Variants in NRXN3 observed in about 807,000 individuals in gnomAD.
The protein encoded by NRXN3 is neurexin III.
NRXN3 carries 32 observed loss-of-function variants against 137.6 expected under a neutral mutation model. The ratio of observed to expected loss-of-function variants is 0.23; its 90% CI spans 0.18 to 0.31. The LOEUF is 0.31. Ranked by LOEUF, NRXN3 falls within the 10% of genes least tolerant of loss-of-function variation. The pLI, the probability that NRXN3 is intolerant of heterozygous loss-of-function variation, is 1.00. For missense variants in NRXN3, 1,574 were observed against 2,062.5 expected, an observed-to-expected ratio of 0.76 and a Z score of 4.59; for synonymous variants, 798 against 784.5, an observed-to-expected ratio of 1.02 and a Z score of -0.29.
At chr14:78,504,834 C>T (rs1183399079) in intron 4 of NRXN3, among the ~76,000 whole-genome samples, 2 of 152,018 alleles carry the variant, frequency 1.3e-5, no homozygotes, top group Non-Finnish European at 2.9e-5. Flanking sequence ...TAGCAATGGC[C>T]CCATTTTACA....
chr14:79,639,900 C>G (rs1430312476), intron 16 of NRXN3, among the ~76,000 whole-genome samples: 1 of 151,920 alleles, frequency 6.6e-6, no homozygotes, highest in Non-Finnish European at 1.5e-5. Flanking sequence ...CCATCAGCCC[C>G]AAGGAAAGAT....
intron 4 of NRXN3, among the ~76,000 whole-genome samples, chr14:78,566,175 A>C (rs1216313146): frequency 6.6e-6 from 1 of 152,050 alleles, no homozygotes; most frequent in Non-Finnish European, 1.5e-5. Flanking sequence ...GGCCAAAAAA[A>C]AGACTCTCTA....
At chr14:78,450,592 C>G (rs537086159) in intron 4 of NRXN3, among the ~76,000 whole-genome samples, 5 of 152,274 alleles carry the variant, frequency 3.3e-5, no homozygotes, top group African/African-American at 9.6e-5. Flanking sequence ...ACACACCAGC[C>G]TGGTAGGTTG....
intron 15 of NRXN3, among the ~76,000 whole-genome samples, chr14:79,452,646 CTT>C (rs1397894099): frequency 1.3e-5 from 2 of 152,116 alleles, no homozygotes; most frequent in African/African-American, 4.8e-5. Flanking sequence ...AAGTAAGAAA[CTT>C]TCTATTTTCT....
chr14:79,736,601 T>G (rs1219718260), intron 19 of NRXN3, among the ~76,000 whole-genome samples: 1 of 152,090 alleles, frequency 6.6e-6, no homozygotes, highest in Non-Finnish European at 1.5e-5. Context: ...TTCAAAGGAA[T>G]GAGAAAAAGA....
chr14:78,681,087 G>C (rs1336358049), intron 6 of NRXN3, among the ~76,000 whole-genome samples: 1 of 152,266 alleles, frequency 6.6e-6, no homozygotes, highest in African/African-American at 2.4e-5. Flanking sequence ...CTCCATTTGG[G>C]GGTTGAGTCC....
At chr14:78,321,584 G>C (rs1223718065) in intron 4 of NRXN3, among the ~76,000 whole-genome samples, 1 of 151,934 alleles carries the variant, frequency 6.6e-6, no homozygotes, top group Non-Finnish European at 1.5e-5. Context: ...GTTTATTCTT[G>C]CTAAAACATT....
At chr14:78,650,702 G>GA (rs1263773722) in intron 5 of NRXN3, among the ~76,000 whole-genome samples, 1 of 151,944 alleles carries the variant, frequency 6.6e-6, no homozygotes, top group Non-Finnish European at 1.5e-5. Flanking sequence ...GAAAAGAAAA[G>GA]AAAAAAGGAA....
chr14:79,251,090 G>T (rs2075859507), intron 15 of NRXN3, among the ~76,000 whole-genome samples: 1 of 152,164 alleles, frequency 6.6e-6, no homozygotes, highest in African/African-American at 2.4e-5. Context: ...GTTTGTAGAG[G>T]ATTTTGAATA....
intron 15 of NRXN3, among the ~76,000 whole-genome samples, chr14:79,075,972 A>C (rs1292457152): frequency 6.6e-6 from 1 of 152,216 alleles, no homozygotes; most frequent in African/African-American, 2.4e-5. Context: ...CTTGGTCTGC[A>C]GAGCCTTTTT....
intron 15 of NRXN3, among the ~76,000 whole-genome samples, chr14:79,190,793 C>T (rs2064190626): frequency 6.6e-6 from 1 of 152,106 alleles, no homozygotes; most frequent in Admixed American, 6.5e-5. Flanking sequence ...TTCTTCTCAT[C>T]TTATCCTTCT....
chr14:79,717,431 C>G (rs1567993563), intron 19 of NRXN3, among the ~76,000 whole-genome samples: 1 of 152,192 alleles, frequency 6.6e-6, no homozygotes, highest in Non-Finnish European at 1.5e-5. Flanking sequence ...CTCGATGTGT[C>G]TTTTGTTCTT....
At chr14:78,414,740 C>T (rs565384372) in intron 4 of NRXN3, among the ~76,000 whole-genome samples, 19 of 151,768 alleles carry the variant, frequency 1.3e-4, no homozygotes, top group Admixed American at 9.9e-4. Flanking sequence ...AAACAGTTTG[C>T]GTCAAAGTAG....
At chr14:79,155,933 A>G in intron 15 of NRXN3, among the ~76,000 whole-genome samples, 1 of 151,872 alleles carries the variant, frequency 6.6e-6, no homozygotes, top group East Asian at 1.9e-4. Context: ...TAGAGATTTT[A>G]CTTTTATACA....
intron 15 of NRXN3, among the ~76,000 whole-genome samples, chr14:79,210,873 C>A (rs1189790187): frequency 6.6e-6 from 1 of 152,076 alleles, no homozygotes; most frequent in African/African-American, 2.4e-5. Flanking sequence ...GGCTGGTAAT[C>A]CCTATAAAGC....
intron 15 of NRXN3, among the ~76,000 whole-genome samples, chr14:79,271,957 AG>A (rs1359635240): frequency 5.9e-5 from 9 of 152,184 alleles, no homozygotes; most frequent in Non-Finnish European, 1.3e-4. Flanking sequence ...AGGCTCAAAA[AG>A]TTTAAGGTAA....
At chr14:78,779,109 T>A (rs1449586988) in intron 8 of NRXN3, among the ~76,000 whole-genome samples, 1 of 152,066 alleles carries the variant, frequency 6.6e-6, no homozygotes, top group East Asian at 1.9e-4. Flanking sequence ...GTGTATTACA[T>A]ATAGGCTTCT....
intron 10 of NRXN3, among the ~76,000 whole-genome samples, chr14:78,923,495 G>A (rs1189357539): frequency 6.6e-6 from 1 of 152,200 alleles, no homozygotes; most frequent in African/African-American, 2.4e-5. Context: ...GAGAGGTTGA[G>A]ATTTCACTTA....
intron 15 of NRXN3, among the ~76,000 whole-genome samples, chr14:79,423,945 T>C (rs1397749793): frequency 2.0e-5 from 3 of 152,200 alleles, no homozygotes; most frequent in Non-Finnish European, 2.9e-5. Flanking sequence ...TGGCTTCTGA[T>C]GGGAATGCTG....
Sources: allele counts gnomAD v4.1 joint callset (sites outside exome capture counted in the v4.1 genomes callset), GRCh38; gene constraint gnomAD v4.1.1; transcripts MANE v1.5; gene names NCBI Gene and HGNC (gene_info 2026-07-23, HGNC 2026-07-21).